Variants in MAP2K4 observed in about 807,000 individuals in gnomAD.
MAP2K4 encodes the protein mitogen-activated protein kinase kinase 4.
MAP2K4 carries 4 observed loss-of-function variants against 48.5 expected under a neutral mutation model. The ratio of observed to expected loss-of-function variants is 0.08; its 90% confidence interval spans 0.04 to 0.19. The LOEUF is 0.19. MAP2K4 is among the 10% of genes least tolerant of loss of function. The pLI, the probability that MAP2K4 is intolerant of heterozygous loss-of-function variation, is 1.00. For synonymous variants in MAP2K4, 166 were observed against 173.1 expected (o/e 0.96, Z 0.32); for missense variants, 258 against 493.3 (o/e 0.52, Z 4.52).
chr17:12,092,231 G>T (rs559490771), intron 3 of MAP2K4, among the ~76,000 whole-genome samples: 83 of 152,118 alleles, frequency 5.5e-4, no homozygotes, highest in African/African-American at 1.9e-3. Context: ...AAATTTTCCT[G>T]CTATTCAAAG....
At chr17:12,108,948 A>G in intron 5 of MAP2K4, among the ~76,000 whole-genome samples, 1 of 152,160 alleles carries the variant, frequency 6.6e-6, no homozygotes, top group Non-Finnish European at 1.5e-5. Flanking sequence ...AATATATTAA[A>G]CCCGTGTTAT....
At chr17:12,023,108 T>G (rs1598009278) in intron 1 of MAP2K4, among the ~76,000 whole-genome samples, 1 of 152,208 alleles carries the variant, frequency 6.6e-6, no homozygotes, top group East Asian at 1.9e-4. Context: ...TTGCCGAATT[T>G]TCTTTTTTAT....
intron 8 of MAP2K4, among the ~76,000 whole-genome samples, chr17:12,126,524 A>G (rs894192154): frequency 2.4e-4 from 37 of 152,188 alleles, no homozygotes; most frequent in Admixed American, 2.6e-4. Flanking sequence ...ATAAACAGCC[A>G]TCTTCTTGTT....
At chr17:12,072,637 A>G (rs1970854010) in intron 2 of MAP2K4, among the ~76,000 whole-genome samples, 1 of 152,220 alleles carries the variant, frequency 6.6e-6, no homozygotes, top group Admixed American at 6.5e-5. Context: ...TATAAAGCAT[A>G]GATTGGGATT....
chr17:12,099,991 C>G (rs1971885668), intron 4 of MAP2K4, among the ~76,000 whole-genome samples: 1 of 152,110 alleles, frequency 6.6e-6, no homozygotes, highest in South Asian at 2.1e-4. Flanking sequence ...TTACCTCCCC[C>G]TTTTTTATCC....
At chr17:12,096,086 C>G (rs991392358) in intron 4 of MAP2K4, among the ~76,000 whole-genome samples, 2 of 52,534 alleles carry the variant, frequency 3.8e-5, no homozygotes, top group Non-Finnish European at 1.1e-4. Context: ...CCCCCCCCCC[C>G]CCGCCGCCAA....
At position 12,113,266 on chromosome 17, in the gene MAP2K4, G is replaced by A; in HGVS notation, c.719G>A (p.Ser240Asn). 2 of 1,613,656 alleles carry A rather than the reference G, an allele frequency of 1.2e-6. No homozygotes were observed. Among genetic ancestry groups the A allele is most frequent in the Non-Finnish European group, 1.7e-6 (2 of 1,179,700 alleles). ...IKPSNILLDR[S>N]GNIKLCDFGI... The stretch of plus-strand genomic sequence containing the variant: ...CCTTCCAATATTCTTCTGGACAGAA[G>A]TGGAAATATTAAGCTCTGTGACTTC... The change falls in exon 7 of 11, where the codon AGT becomes AAT. Residue 240 changes from serine (S) to asparagine (N), a missense_variant. Physicochemically the swap from Ser to Asn is conservative, Grantham distance 46. Around this residue, in one of 3 missense-constraint regions of MAP2K4, gnomAD observed 132 missense variants for 352.8 expected, o/e 0.37. Transcript: ENST00000353533.
chr17:12,095,042 T>TC (rs1971689037), intron 3 of MAP2K4, among the ~76,000 whole-genome samples: 1 of 152,164 alleles, frequency 6.6e-6, no homozygotes, highest in Admixed American at 6.5e-5. Flanking sequence ...GGTGCACTGC[T>TC]CCTATACTAG....
intron 3 of MAP2K4, among the ~76,000 whole-genome samples, chr17:12,092,500 T>C (rs570687824): frequency 6.6e-6 from 1 of 152,332 alleles, no homozygotes; most frequent in South Asian, 2.1e-4. Context: ...AAAACTTTCT[T>C]GGTAGTAGCT....
chr17:12,053,546 TG>T (rs749994734), intron 1 of MAP2K4, among the ~76,000 whole-genome samples: 44 of 151,988 alleles, frequency 2.9e-4, no homozygotes, highest in South Asian at 1.0e-3. Flanking sequence ...TGAGGGTTTT[TG>T]TTTTTTTTTT....
chr17:12,079,473 G>C (rs981288800), intron 2 of MAP2K4, among the ~76,000 whole-genome samples: 5 of 152,072 alleles, frequency 3.3e-5, no homozygotes, highest in Non-Finnish European at 5.9e-5. Context: ...TTGGTTAGAG[G>C]TAAGTCACAG....
intron 4 of MAP2K4, among the ~76,000 whole-genome samples, chr17:12,104,902 A>G (rs1038085536): frequency 6.6e-6 from 1 of 152,154 alleles, no homozygotes. Flanking sequence ...GTTTTTGTAT[A>G]TATATTTGTG....
intron 2 of MAP2K4, among the ~76,000 whole-genome samples, chr17:12,066,104 T>A (rs1268467027): frequency 6.6e-6 from 1 of 151,838 alleles, no homozygotes; most frequent in Admixed American, 6.6e-5. Context: ...TAGTGTGCTT[T>A]AAAAATAACA....
At chr17:12,099,900 T>G (rs988500339) in intron 4 of MAP2K4, among the ~76,000 whole-genome samples, 14 of 152,344 alleles carry the variant, frequency 9.2e-5, no homozygotes, top group Admixed American at 5.2e-4. Flanking sequence ...TAAATTCTAG[T>G]GCAGAAAGCA....
At chr17:12,039,859 TATTTTGTAGC>T (rs1412985609) in intron 1 of MAP2K4, among the ~76,000 whole-genome samples, 3 of 152,218 alleles carry the variant, frequency 2.0e-5, no homozygotes, top group Non-Finnish European at 4.4e-5. Flanking sequence ...TTGGTTAATT[TATTTTGTAGC>T]ATTTTGTATA....
At chr17:12,134,960 T>G (rs1402026170) in intron 9 of MAP2K4, among the ~76,000 whole-genome samples, 2 of 152,220 alleles carry the variant, frequency 1.3e-5, no homozygotes, top group Non-Finnish European at 2.9e-5. Context: ...TGGAGTGCAG[T>G]GGCATGATTG....
At chr17:12,102,467 G>A (rs1314524487) in intron 4 of MAP2K4, among the ~76,000 whole-genome samples, 2 of 152,050 alleles carry the variant, frequency 1.3e-5, no homozygotes, top group Non-Finnish European at 1.5e-5. Context: ...TTGTATCTAT[G>A]AGAGACATTG....
intron 1 of MAP2K4, among the ~76,000 whole-genome samples, chr17:12,045,467 G>A (rs1567631056): frequency 6.6e-6 from 1 of 152,158 alleles, no homozygotes; most frequent in Non-Finnish European, 1.5e-5. Flanking sequence ...CAGACTAGAA[G>A]CCACTCCGTG....
chr17:12,120,912 A>G (rs1972666879), intron 7 of MAP2K4, among the ~76,000 whole-genome samples: 1 of 152,232 alleles, frequency 6.6e-6, no homozygotes, highest in South Asian at 2.1e-4. Context: ...TGATGCAGGT[A>G]TTCTGGCGAT....
Sources: allele counts gnomAD v4.1 joint callset (sites outside exome capture counted in the v4.1 genomes callset), GRCh38; gene constraint gnomAD v4.1.1; regional missense constraint gnomAD v4.1.1; transcripts MANE v1.5; gene names NCBI Gene and HGNC (gene_info 2026-07-23, HGNC 2026-07-21).